The following INTS9 variants were observed in gnomAD, a reference collection of about 807,000 sequenced individuals.
INTS9 encodes integrator complex subunit 9, also known as protein related to CPSF subunits of 74 kDa.
A neutral mutation model predicts 79.7 loss-of-function variants in INTS9; 55 were observed. The ratio of observed to expected loss-of-function variants is 0.69; its 90% confidence interval spans 0.56 to 0.86. The LOEUF (loss-of-function observed/expected upper bound fraction) is 0.86, where lower values mean the gene tolerates loss of function less well. INTS9 is among the 40% of genes least tolerant of loss of function. INTS9 has a pLI of 0.00. For synonymous variants in INTS9, 319 were observed against 325.2 expected (o/e 0.98, Z 0.20); for missense variants, 721 against 831.5 (o/e 0.87, Z 1.64).
chr8:28,826,474 C>T (rs1299458086), intron 6 of INTS9, among the ~76,000 whole-genome samples: 1 of 152,198 alleles, frequency 6.6e-6, no homozygotes, highest in Non-Finnish European at 1.5e-5. Context: ...GTCCCACTGC[C>T]TCTGGTCCAG....
At chr8:28,781,029 G>A in intron 11 of INTS9, 35 bp from the exon 12 acceptor site, 1 of 1,570,684 alleles carries the variant, frequency 6.4e-7, no homozygotes, top group Non-Finnish European at 8.7e-7. Context: ...AGAAATGTGA[G>A]CCTGCCCAGG....
At chr8:28,808,025 C>T (rs919721593) in intron 8 of INTS9, among the ~76,000 whole-genome samples, 2 of 152,184 alleles carry the variant, frequency 1.3e-5, no homozygotes, top group Non-Finnish European at 2.9e-5. Context: ...ACCTCATGCT[C>T]AGTAAAGGCT....
At chr8:28,825,601 C>A (rs1806101052) in intron 6 of INTS9, among the ~76,000 whole-genome samples, 1 of 152,198 alleles carries the variant, frequency 6.6e-6, no homozygotes, top group Non-Finnish European at 1.5e-5. Flanking sequence ...AGGACAACGT[C>A]CTGTGAAAAT....
At chr8:28,846,918 G>A in intron 3 of INTS9, 109 bp from the exon 4 acceptor site, 1 of 810,658 alleles carries the variant, frequency 1.2e-6, no homozygotes, top group South Asian at 1.5e-5. Flanking sequence ...TAGACTACTA[G>A]AGCTGGAGGG....
intron 1 of INTS9, among the ~76,000 whole-genome samples, chr8:28,861,674 C>T (rs1323055843): frequency 6.6e-6 from 1 of 152,200 alleles, no homozygotes; most frequent in Non-Finnish European, 1.5e-5. Context: ...TGTCTTCCTC[C>T]TTAATTCTAA....
Position 28,775,782 on chromosome 8 carries a change from C to T in INTS9, c.1540G>A (p.Glu514Lys), listed in dbSNP as rs1193686446. Residue 514 changes from glutamate to lysine, a missense_variant, in exon 14 of 17, where the codon GAG becomes AAG. Glu to Lys is a moderately conservative substitution (Grantham distance 56, BLOSUM62 1). Around this residue, in one of 3 missense-constraint regions of INTS9, gnomAD observed 281 missense variants for 300.8 expected, o/e 0.93. Transcript: ENST00000521022. ...ACCTCTGGCATGATCTCGATCTTCTCGTACCGACGTTTGAAGGGCAGGGCG... is the reference window on the plus strand; with the variant it reads ...ACCTCTGGCATGATCTCGATCTTCTTGTACCGACGTTTGAAGGGCAGGGCG... Reference protein sequence around the residue: ...VLALPFKRRYEKIEIMPELAD... With the variant: ...VLALPFKRRYKKIEIMPELAD... 3.1e-6 allele frequency: 5 copies of T among 1,613,898 alleles called. No individual in the cohort carries two copies. In the South Asian group the frequency reaches 4.4e-5, roughly 14 times the overall value.
intron 3 of INTS9, among the ~76,000 whole-genome samples, chr8:28,847,640 T>C (rs1807603262): frequency 2.0e-5 from 3 of 152,346 alleles, no homozygotes; most frequent in Middle Eastern, 6.8e-3. Flanking sequence ...GAAATAGATA[T>C]AGTCCAACTT....
At chr8:28,887,656 G>T (rs1005924094) in intron 1 of INTS9, among the ~76,000 whole-genome samples, 1 of 152,176 alleles carries the variant, frequency 6.6e-6, no homozygotes, top group Admixed American at 6.5e-5. Flanking sequence ...CCATTTGGGA[G>T]GCATGACACA....
At chr8:28,829,463 GT>G (rs1012904682) in intron 6 of INTS9, among the ~76,000 whole-genome samples, 15 of 151,654 alleles carry the variant, frequency 9.9e-5, no homozygotes, top group South Asian at 8.3e-4. Context: ...AGGAGTAATA[GT>G]TTTTTTTTGG....
chr8:28,800,019 T>G (rs1258706000), intron 8 of INTS9, among the ~76,000 whole-genome samples: 1 of 152,172 alleles, frequency 6.6e-6, no homozygotes, highest in Non-Finnish European at 1.5e-5. Flanking sequence ...AAGTTGTCCC[T>G]TTAATATGTG....
Position 28,833,361 on chromosome 8 carries a change from C to T in INTS9, c.488+1931G>A, listed in dbSNP as rs143697432. ...ACTATGCCGGGTGCAGTGGCTCACACCTGTAATCCCAGCACTTTGGGAGGT... is the reference window on the plus strand; with the variant it reads ...ACTATGCCGGGTGCAGTGGCTCACATCTGTAATCCCAGCACTTTGGGAGGT... On this transcript the variant is annotated intron_variant, in intron 6 of 16. Transcript: ENST00000521022. Among the ~76,000 whole-genome samples, 299 of 152,158 alleles carry T rather than the reference C, an allele frequency of 2.0e-3. 2 individuals are homozygous for T. Among genetic ancestry groups the T allele is most frequent in the South Asian group, 4.8e-3 (23 of 4,812 alleles).
intron 1 of INTS9, among the ~76,000 whole-genome samples, chr8:28,863,462 T>C (rs757716469): frequency 1.3e-5 from 2 of 152,118 alleles, no homozygotes; most frequent in Non-Finnish European, 2.9e-5. Flanking sequence ...AATATAACAA[T>C]ACAGCAAAAG....
At chr8:28,871,814 A>C (rs1240886995) in intron 1 of INTS9, among the ~76,000 whole-genome samples, 1 of 152,232 alleles carries the variant, frequency 6.6e-6, no homozygotes, top group Non-Finnish European at 1.5e-5. Context: ...ACTACTTTGA[A>C]TAAGGTAAAA....
chr8:28,801,839 C>G (rs909424780), intron 8 of INTS9, among the ~76,000 whole-genome samples: 6 of 152,156 alleles, frequency 3.9e-5, no homozygotes, highest in African/African-American at 1.4e-4. Context: ...TCTCAAACTC[C>G]TGGGCTCAAG....
intron 8 of INTS9, among the ~76,000 whole-genome samples, chr8:28,803,165 A>G (rs532963167): frequency 2.6e-5 from 4 of 152,264 alleles, no homozygotes; most frequent in Admixed American, 6.5e-5. Context: ...ACGTCTAGGT[A>G]TATGTAGCTT....
chr8:28,772,219 T>A (rs1451875108), intron 14 of INTS9, among the ~76,000 whole-genome samples: 1 of 152,156 alleles, frequency 6.6e-6, no homozygotes, highest in Non-Finnish European at 1.5e-5. Flanking sequence ...GTTACCTCCA[T>A]TAATGATCAA....
intron 2 of INTS9, among the ~76,000 whole-genome samples, chr8:28,852,550 G>T (rs1259864108): frequency 6.6e-6 from 1 of 152,144 alleles, no homozygotes; most frequent in Admixed American, 6.5e-5. Context: ...CTTATTTCAT[G>T]CATGTTAACT....
intron 8 of INTS9, among the ~76,000 whole-genome samples, chr8:28,808,144 G>A (rs1804911311): frequency 6.6e-6 from 1 of 150,446 alleles, no homozygotes; most frequent in Admixed American, 6.6e-5. Flanking sequence ...ACTGTCTGTT[G>A]GTAAAAGTTC....
chr8:28,809,668 C>G (rs935225818), intron 8 of INTS9, among the ~76,000 whole-genome samples: 3 of 152,272 alleles, frequency 2.0e-5, no homozygotes, highest in Middle Eastern at 3.4e-3. Flanking sequence ...CGAGAGTTGG[C>G]AACCAAGTCA....
Sources: gnomAD v4.1 joint callset for allele counts (sites outside exome capture counted in the v4.1 genomes callset) on GRCh38, gnomAD v4.1.1 for gene constraint, gnomAD v4.1.1 regional missense constraint, MANE v1.5 for transcripts, NCBI Gene and HGNC (gene_info 2026-07-23, HGNC 2026-07-21) for gene names.